Variants in LHFPL3 observed in about 807,000 individuals in gnomAD.
LHFPL3 encodes the protein LHFPL tetraspan subfamily member 3 protein.
A neutral mutation model predicts 19.3 loss-of-function variants in LHFPL3; 5 were observed. That is an observed-to-expected ratio of 0.26 (90% CI 0.14 to 0.54). The LOEUF (loss-of-function observed/expected upper bound fraction) is 0.54, where lower values mean the gene tolerates loss of function less well. Ranked by LOEUF, LHFPL3 falls within the 20% of genes least tolerant of loss-of-function variation. LHFPL3 has a pLI of 0.94. For synonymous variants in LHFPL3, 133 were observed against 126.2 expected (o/e 1.05, Z -0.36); for missense variants, 249 against 307.4 (o/e 0.81, Z 1.42).
At chr7:104,835,995 A>G (rs1164111128) in intron 2 of LHFPL3, among the ~76,000 whole-genome samples, 1 of 151,998 alleles carries the variant, frequency 6.6e-6, no homozygotes, top group African/African-American at 2.4e-5. Context: ...ATAAAGTGCT[A>G]TGCAGAGAAT....
At chr7:104,657,827 C>T (rs1349185535) in intron 1 of LHFPL3, among the ~76,000 whole-genome samples, 1 of 152,208 alleles carries the variant, frequency 6.6e-6, no homozygotes, top group East Asian at 1.9e-4. Flanking sequence ...AAAACTTCCA[C>T]AATTGAATTT....
chr7:104,411,336 C>T (rs746902306), intron 1 of LHFPL3, among the ~76,000 whole-genome samples: 6 of 152,086 alleles, frequency 3.9e-5, no homozygotes, highest in Non-Finnish European at 7.3e-5. Context: ...GAAGACATTC[C>T]TCAGATTGTC....
In LHFPL3 at chr7:104,365,604, A is replaced by AC. The variant is rs553873372; in HGVS notation, c.445+36384dup. Reference sequence around the variant, plus strand: ...AGACCATCCTGGCTAACAAGGTGAAACCCCGTCTCTACTAAAAATACAAAA... The same window carrying AC: ...AGACCATCCTGGCTAACAAGGTGAAACCCCCGTCTCTACTAAAAATACAAAA... On this transcript the variant is annotated intron_variant, in intron 1 of 2. Coordinates refer to ENST00000424859, the MANE Select transcript of LHFPL3 (RefSeq NM_199000.3). Among the ~76,000 whole-genome samples, 25 of 147,724 alleles carry AC rather than the reference A, an allele frequency of 1.7e-4. 1 individual carries two copies. In the South Asian group the frequency reaches 2.8e-3, roughly 17 times the overall value.
chr7:104,396,668 G>C (rs1006453654), intron 1 of LHFPL3, among the ~76,000 whole-genome samples: 1 of 150,590 alleles, frequency 6.6e-6, no homozygotes, highest in Non-Finnish European at 1.5e-5. Flanking sequence ...GATAAAAAGT[G>C]TGCAGAGGGC....
chr7:104,337,020 C>T (rs1052703849), intron 1 of LHFPL3, among the ~76,000 whole-genome samples: 19 of 150,948 alleles, frequency 1.3e-4, no homozygotes, highest in Non-Finnish European at 2.5e-4. Flanking sequence ...ATCACAGGCC[C>T]TTTTTTTTTA....
At chr7:104,376,525 T>C (rs1790717286) in intron 1 of LHFPL3, among the ~76,000 whole-genome samples, 1 of 152,218 alleles carries the variant, frequency 6.6e-6, no homozygotes, top group Admixed American at 6.5e-5. Flanking sequence ...ATTCTCCTGA[T>C]AATGTCCCTG....
chr7:104,354,500 C>A (rs6961009), intron 1 of LHFPL3, among the ~76,000 whole-genome samples: 52,958 of 152,106 alleles, frequency 0.35, 9,460 homozygotes, highest in East Asian at 0.51. Flanking sequence ...CTGGCAGTGC[C>A]GAGCAGTCTT....
At position 104,674,006 on chromosome 7, in the gene LHFPL3, G is replaced by GGTGAAAAA. The variant is rs767403565; in HGVS notation, c.446-62668_446-62667insTGAAAAAG. 6.4e-3 allele frequency among the ~76,000 whole-genome samples: 973 copies of GGTGAAAAA among 152,136 alleles called. 4 individuals are homozygous for GGTGAAAAA. The highest frequency in any genetic ancestry group is 0.01 in the Non-Finnish European group (682 of 68,014). ...GACCCTTGGTGAAAAGAGACCAACT[G>GGTGAAAAA]GACATGTTCAGTTCTTTTTCCAAGA... On this transcript the variant is annotated intron_variant, in intron 1 of 2. Coordinates refer to ENST00000424859, the MANE Select transcript of LHFPL3 (RefSeq NM_199000.3).
At chr7:104,451,985 A>G (rs1464407370) in intron 1 of LHFPL3, among the ~76,000 whole-genome samples, 1 of 152,120 alleles carries the variant, frequency 6.6e-6, no homozygotes, top group African/African-American at 2.4e-5. Flanking sequence ...ACCTCAGGTG[A>G]TCTGCCTGCC....
At chr7:104,518,854 A>AGATAGAAAGAAT (rs1562923391) in intron 1 of LHFPL3, among the ~76,000 whole-genome samples, 2 of 140,776 alleles carry the variant, frequency 1.4e-5, no homozygotes, top group African/African-American at 6.1e-5. Context: ...TAGAATAAAT[A>AGATAGAAAGAAT]AAAAAACTGT....
At chr7:104,644,498 G>A (rs1046158868) in intron 1 of LHFPL3, among the ~76,000 whole-genome samples, 7 of 152,136 alleles carry the variant, frequency 4.6e-5, no homozygotes, top group South Asian at 4.1e-4. Context: ...ATCCATGCCC[G>A]CTCCCAGGAA....
chr7:104,548,750 TGAAA>T (rs1192827937), intron 1 of LHFPL3, among the ~76,000 whole-genome samples: 1 of 152,072 alleles, frequency 6.6e-6, no homozygotes, highest in Non-Finnish European at 1.5e-5. Flanking sequence ...TATCTTTCTA[TGAAA>T]GAGACACAAA....
At chr7:104,616,192 C>T (rs186717824) in intron 1 of LHFPL3, among the ~76,000 whole-genome samples, 1 of 151,982 alleles carries the variant, frequency 6.6e-6, no homozygotes, top group East Asian at 1.9e-4. Context: ...CAATCCTAAG[C>T]AAAAAGAACA....
chr7:104,701,407 C>T (rs1397535787), intron 1 of LHFPL3, among the ~76,000 whole-genome samples: 2 of 152,026 alleles, frequency 1.3e-5, no homozygotes, highest in African/African-American at 4.8e-5. Context: ...AGCCTTAACA[C>T]ATATTTTGTA....
intron 1 of LHFPL3, among the ~76,000 whole-genome samples, chr7:104,565,233 C>T (rs960243163): frequency 1.3e-5 from 2 of 152,106 alleles, no homozygotes; most frequent in African/African-American, 4.8e-5. Flanking sequence ...GTGGAGATAA[C>T]TTTATTCAGC....
intron 1 of LHFPL3, among the ~76,000 whole-genome samples, chr7:104,516,375 A>G (rs184623666): frequency 6.6e-6 from 1 of 152,128 alleles, no homozygotes; most frequent in African/African-American, 2.4e-5. Context: ...TCAAGATGTG[A>G]TTTGGGTAGG....
At chr7:104,745,823 A>G (rs1794035916) in intron 2 of LHFPL3, among the ~76,000 whole-genome samples, 1 of 152,258 alleles carries the variant, frequency 6.6e-6, no homozygotes, top group African/African-American at 2.4e-5. Context: ...TGGTCCAGAC[A>G]GAGAAATTTT....
chr7:104,546,842 G>C (rs1356514156), intron 1 of LHFPL3, among the ~76,000 whole-genome samples: 4 of 152,178 alleles, frequency 2.6e-5, no homozygotes, highest in African/African-American at 7.2e-5. Flanking sequence ...CTCTGAGCCA[G>C]TTTTCTCTTC....
chr7:104,504,849 G>C (rs1793666152), intron 1 of LHFPL3, among the ~76,000 whole-genome samples: 1 of 152,100 alleles, frequency 6.6e-6, no homozygotes, highest in African/African-American at 2.4e-5. Context: ...AATATAATTG[G>C]TTCAGCTTGC....
Sources: gnomAD v4.1 joint callset for allele counts (sites outside exome capture counted in the v4.1 genomes callset) on GRCh38, gnomAD v4.1.1 for gene constraint, MANE v1.5 for transcripts, NCBI Gene and HGNC (gene_info 2026-07-23, HGNC 2026-07-21) for gene names.